Variants in FUT8 observed in about 807,000 individuals in gnomAD.
FUT8 encodes fucosyltransferase 8.
FUT8 carries 29 observed loss-of-function variants against 71.3 expected under a neutral mutation model. The ratio of observed to expected loss-of-function variants is 0.41; its 90% CI spans 0.30 to 0.55. The LOEUF (loss-of-function observed/expected upper bound fraction) is 0.55, where lower values mean the gene tolerates loss of function less well. FUT8 is among the 20% of genes least tolerant of loss of function. The pLI is 0.34. For missense variants in FUT8, 544 were observed against 702.1 expected (o/e 0.77, Z 2.55); for synonymous variants, 254 against 239.3 (o/e 1.06, Z -0.57).
At chr14:65,692,369 A>C (rs1402558689) in intron 7 of FUT8, among the ~76,000 whole-genome samples, 11 of 104,320 alleles carry the variant, frequency 1.1e-4, no homozygotes, top group East Asian at 6.4e-4. Flanking sequence ...TGACCCCCCC[A>C]CCTCCCTCCC....
At chr14:65,715,289 G>A (rs1894998408) in intron 7 of FUT8, among the ~76,000 whole-genome samples, 1 of 152,150 alleles carries the variant, frequency 6.6e-6, no homozygotes, top group Non-Finnish European at 1.5e-5. Context: ...ATCATGAAGA[G>A]ATCTTGAATT....
At chr14:65,684,987 A>G (rs1301781122) in intron 7 of FUT8, among the ~76,000 whole-genome samples, 1 of 152,228 alleles carries the variant, frequency 6.6e-6, no homozygotes, top group African/African-American at 2.4e-5. Context: ...AAATTAATCA[A>G]ATGCCATTTT....
chr14:65,736,400 A>C (rs1222755149), intron 10 of FUT8, among the ~76,000 whole-genome samples: 2 of 151,264 alleles, frequency 1.3e-5, no homozygotes, highest in South Asian at 4.2e-4. Context: ...GCATGAAACG[A>C]GCTAGTCAAG....
At chr14:65,520,697 T>C (rs1395905197) in intron 2 of FUT8, among the ~76,000 whole-genome samples, 1 of 152,138 alleles carries the variant, frequency 6.6e-6, no homozygotes, top group Non-Finnish European at 1.5e-5. Context: ...TTGAAAACTA[T>C]GTCTATGGTT....
intron 2 of FUT8, among the ~76,000 whole-genome samples, chr14:65,523,777 C>T (rs543178426): frequency 1.7e-4 from 26 of 152,338 alleles, no homozygotes; most frequent in African/African-American, 5.8e-4. Context: ...GATCCAGTTT[C>T]AGCTTTCTCC....
At chr14:65,617,320 A>G (rs780658434) in intron 5 of FUT8, 1 of 1,025,126 alleles carries the variant, frequency 9.8e-7, no homozygotes, top group Non-Finnish European at 1.3e-6. Context: ...TAATGAATCT[A>G]CAGAAATATG....
intron 7 of FUT8, among the ~76,000 whole-genome samples, chr14:65,705,521 CT>C (rs1159534204): frequency 6.6e-6 from 1 of 152,204 alleles, no homozygotes; most frequent in Non-Finnish European, 1.5e-5. Flanking sequence ...TCCTTTTACT[CT>C]TGCCTCCTCT....
chr14:65,716,685 C>T (rs1039601271), intron 7 of FUT8, among the ~76,000 whole-genome samples: 2 of 151,900 alleles, frequency 1.3e-5, no homozygotes, highest in Admixed American at 6.6e-5. Flanking sequence ...CACATTTCCC[C>T]CTTTTCTTTT....
rs574242178 is a variant in FUT8, at chr14:65,568,535, C to A, written c.203+6769C>A. On this transcript the variant is annotated intron_variant, in intron 3 of 10. Transcript: ENST00000673929. ...GTATTGTGATTTTTTTTTTCTATGA[C>A]CCATAGGTTATTTAGTAGTTGTTAC... is the stretch of plus-strand genomic sequence containing the variant. Among the ~76,000 whole-genome samples the A allele has an allele frequency of 1.0e-3, 152 of 150,988 alleles. 1 individual carries two copies. The highest frequency in any genetic ancestry group is 3.6e-3 in the African/African-American group (150 of 41,246).
chr14:65,641,332 TG>T (rs1352348305), intron 6 of FUT8, among the ~76,000 whole-genome samples: 1 of 152,242 alleles, frequency 6.6e-6, no homozygotes, highest in Non-Finnish European at 1.5e-5. Context: ...TCATCTATGT[TG>T]TATGTATTAA....
chr14:65,474,310 A>G (rs545982785), intron 2 of FUT8, among the ~76,000 whole-genome samples: 3 of 150,354 alleles, frequency 2.0e-5, no homozygotes, highest in African/African-American at 7.3e-5. Context: ...AAAGATATTT[A>G]AAAAAAAAGA....
the FUT8 span, among the ~76,000 whole-genome samples, chr14:65,363,154 C>T: frequency 6.6e-6 from 1 of 152,094 alleles, no homozygotes; most frequent in African/African-American, 2.4e-5. Flanking sequence ...TGGAATCTCA[C>T]TCTGTCTCCT....
At chr14:65,476,351 A>G (rs2066239195) in intron 2 of FUT8, among the ~76,000 whole-genome samples, 1 of 152,208 alleles carries the variant, frequency 6.6e-6, no homozygotes, top group Admixed American at 6.5e-5. Flanking sequence ...TGCAATGACA[A>G]AGCTTCATGC....
At chr14:65,393,410 G>A in the FUT8 span, among the ~76,000 whole-genome samples, 1 of 152,212 alleles carries the variant, frequency 6.6e-6, no homozygotes, top group African/African-American at 2.4e-5. Flanking sequence ...GTGAGATGGG[G>A]TGCATCTGCT....
intron 6 of FUT8, among the ~76,000 whole-genome samples, chr14:65,636,273 A>G (rs148096982): frequency 1.2e-4 from 18 of 151,168 alleles, no homozygotes; most frequent in African/African-American, 4.4e-4. Flanking sequence ...AATTTTATTT[A>G]TCTGTTCAAA....
At chr14:65,441,939 C>G (rs1189688032) in intron 1 of FUT8, among the ~76,000 whole-genome samples, 2 of 151,830 alleles carry the variant, frequency 1.3e-5, no homozygotes, top group Non-Finnish European at 2.9e-5. Context: ...CTAATGCTAT[C>G]CCTCCTCCTC....
intron 1 of FUT8, among the ~76,000 whole-genome samples, chr14:65,445,717 A>G (rs886501505): frequency 1.3e-5 from 2 of 152,222 alleles, no homozygotes; most frequent in East Asian, 3.8e-4. Context: ...AATACTGTCT[A>G]ATGTTTTCTC....
At chr14:65,395,487 G>T in the FUT8 span, among the ~76,000 whole-genome samples, 1 of 152,228 alleles carries the variant, frequency 6.6e-6, no homozygotes, top group South Asian at 2.1e-4. Context: ...TGATTTCTGT[G>T]TATCTGCAGG....
intron 2 of FUT8, among the ~76,000 whole-genome samples, chr14:65,507,033 C>G (rs2066747026): frequency 6.6e-6 from 1 of 152,142 alleles, no homozygotes; most frequent in South Asian, 2.1e-4. Flanking sequence ...GTGAGACTTG[C>G]ATTTATGCGG....
Sources: gnomAD v4.1 joint callset for allele counts (sites outside exome capture counted in the v4.1 genomes callset) on GRCh38, gnomAD v4.1.1 for gene constraint, MANE v1.5 for transcripts, NCBI Gene and HGNC (gene_info 2026-07-23, HGNC 2026-07-21) for gene names.